Variants in SEM1 observed in about 807,000 individuals in gnomAD.
The protein encoded by SEM1 is 26S proteasome complex subunit SEM1.
In SEM1, 3 loss-of-function variants were observed where a neutral mutation model predicts 12.7. That is an observed-to-expected ratio of 0.24 (90% CI 0.11 to 0.61). The LOEUF (loss-of-function observed/expected upper bound fraction) is 0.61, where lower values mean the gene tolerates loss of function less well. Among genes scored for constraint, SEM1 ranks in the 20% least tolerant of loss-of-function variants. SEM1 has a pLI of 0.88. For missense variants in SEM1, 59 were observed against 81.3 expected (o/e 0.73, Z 1.06); for synonymous variants, 30 against 27.8 (o/e 1.08, Z -0.25).
At chr7:96,554,735 CT>C (rs1805422156) in intron 2 of SEM1, among the ~76,000 whole-genome samples, 1 of 150,384 alleles carries the variant, frequency 6.6e-6, no homozygotes, top group Non-Finnish European at 1.5e-5. Flanking sequence ...AGGATTCCCT[CT>C]TTTTCTATTG....
At chr7:96,647,137 A>C (rs754096988) in intron 2 of SEM1, among the ~76,000 whole-genome samples, 2 of 152,180 alleles carry the variant, frequency 1.3e-5, no homozygotes, top group Non-Finnish European at 2.9e-5. Context: ...ATGTTCTCTC[A>C]GTCAAGTTTA....
chr7:96,512,923 C>T (rs1213376189), intron 2 of SEM1, among the ~76,000 whole-genome samples: 1 of 152,080 alleles, frequency 6.6e-6, no homozygotes, highest in Non-Finnish European at 1.5e-5. Context: ...GCATAAACCA[C>T]GTTTTCTTAA....
chr7:96,632,959 T>TGACAATAAC (rs1359580143), intron 2 of SEM1, among the ~76,000 whole-genome samples: 2 of 152,106 alleles, frequency 1.3e-5, no homozygotes, highest in East Asian at 3.9e-4. Context: ...AAGCAAAGTT[T>TGACAATAAC]GACAATAACT....
intron 2 of SEM1, among the ~76,000 whole-genome samples, chr7:96,584,999 C>T (rs1806562380): frequency 6.6e-6 from 1 of 151,512 alleles, no homozygotes; most frequent in Admixed American, 6.6e-5. Context: ...AGCTTTGTTC[C>T]ATTGCTGGTG....
At chr7:96,668,636 G>C (rs79973922), downstream of SEM1, among the ~76,000 whole-genome samples, 3,637 of 152,166 alleles carry the variant, frequency 0.024, 68 homozygotes, top group Admixed American at 0.036. Context: ...AGCTTCCCAG[G>C]TTTGTCTTGG....
rs1193134092 is a variant in SEM1, at chr7:96,643,278, G to C, written c.171-20635C>G. On this transcript the variant is annotated intron_variant, in intron 2 of 2. Transcript: ENST00000417009. ...CCATCCATGTTCCTGCAAAGGGCAT[G>C]ATCTCATTCTTTTGTATGGCTGCAT... is the stretch of plus-strand genomic sequence containing the variant. Among the ~76,000 whole-genome samples the C allele has an allele frequency of 3.9e-5, 6 of 152,092 alleles. No homozygotes were observed. In the East Asian group the frequency reaches 1.2e-3, roughly 29 times the overall value.
At chr7:96,520,056 G>T (rs1804223626) in intron 2 of SEM1, among the ~76,000 whole-genome samples, 1 of 152,154 alleles carries the variant, frequency 6.6e-6, no homozygotes, top group Non-Finnish European at 1.5e-5. Context: ...TGGATTGCAA[G>T]AAGGGAAGCT....
chr7:96,656,568 C>T (rs1237232461), intron 2 of SEM1: 2 of 150,382 alleles, frequency 1.3e-5, no homozygotes, highest in African/African-American at 4.9e-5. Context: ...TCTTTAGTCC[C>T]CAGAGTCAGT....
chr7:96,533,268 T>G (rs759191670), intron 2 of SEM1, among the ~76,000 whole-genome samples: 1 of 152,032 alleles, frequency 6.6e-6, no homozygotes, highest in African/African-American at 2.4e-5. Context: ...GCAAAACCCA[T>G]GCTGACCTTG....
rs539964212 is a variant in SEM1 at position 96,579,554 on chromosome 7, G to A, written c.171-72856C>T. 5.8e-4 allele frequency among the ~76,000 whole-genome samples: 88 copies of A among 152,308 alleles called. 1 individual carries two copies. The highest frequency in any genetic ancestry group is 1.9e-3 in the African/African-American group (79 of 41,586). ...AAAGGAGAAGCACATTGCAGCAATA[G>A]AAGAGATGTTCAGAATCTTACAAAA... is the stretch of plus-strand genomic sequence containing the variant. On this transcript the variant is annotated intron_variant and NMD_transcript_variant, in intron 2 of 3. Transcript: ENST00000466986.
At chr7:96,680,515 G>A (rs897846622) in intron 2 of SEM1, among the ~76,000 whole-genome samples, 34 of 152,166 alleles carry the variant, frequency 2.2e-4, no homozygotes, top group Middle Eastern at 3.4e-3. Context: ...AGTTTTAAAT[G>A]TGTTGTGCAC....
At chr7:96,486,350 C>A in exon 2 of SEM1, 2 of 1,537,068 alleles carry the variant, frequency 1.3e-6, no homozygotes, top group East Asian at 2.4e-5. Flanking sequence ...TCTCCTCCCC[C>A]TTTTTATGCC....
chr7:96,672,618 T>C (rs1789347621), downstream of SEM1: 1 of 152,236 alleles, frequency 6.6e-6, no homozygotes, highest in Non-Finnish European at 1.5e-5. Context: ...CACTCTCTAG[T>C]TAAGCTAACA....
intron 2 of SEM1, among the ~76,000 whole-genome samples, chr7:96,693,856 G>A (rs117133778): frequency 0.043 from 6,478 of 150,600 alleles, 188 homozygotes; most frequent in Non-Finnish European, 0.066. Flanking sequence ...ATATGTACAC[G>A]TACGTTCATA....
intron 2 of SEM1, among the ~76,000 whole-genome samples, chr7:96,630,540 C>G (rs1808217487): frequency 6.6e-6 from 1 of 152,166 alleles, no homozygotes; most frequent in South Asian, 2.1e-4. Flanking sequence ...AGGCTCCCCT[C>G]TGGCCCAGGG....
At chr7:96,596,621 G>C (rs2116165268) in intron 2 of SEM1, among the ~76,000 whole-genome samples, 1 of 152,248 alleles carries the variant, frequency 6.6e-6, no homozygotes, top group African/African-American at 2.4e-5. Context: ...CAAGTCTATT[G>C]TGTTGACCTC....
chr7:96,578,145 A>T (rs1411052295), intron 2 of SEM1, among the ~76,000 whole-genome samples: 2 of 152,138 alleles, frequency 1.3e-5, no homozygotes, highest in Admixed American at 6.5e-5. Context: ...AAGTCTAACA[A>T]ATCTCTAATC....
In SEM1 at chr7:96,486,170, T is replaced by A. The variant is rs961262438; in HGVS notation, c.227+33A>T. ...AGAGTTAATTTTTTTTCTACCTTTT[T>A]TTTTTTTCCTCCTGTGGCTGTCATC... On this transcript the variant is annotated intron_variant, in intron 2 of 3. Transcript: ENST00000356686. The A allele has an allele frequency of 4.1e-6, 6 of 1,481,472 alleles. No homozygotes were observed. In the African/African-American group the frequency reaches 7.1e-5, roughly 18 times the overall value. 91.8% of individuals were successfully genotyped at this position (1,481,472 alleles called of 1,614,324 possible).
chr7:96,513,220 A>G (rs1803987405), intron 2 of SEM1, among the ~76,000 whole-genome samples: 1 of 152,040 alleles, frequency 6.6e-6, no homozygotes, highest in African/African-American at 2.4e-5. Context: ...GGCTGCTGGC[A>G]GTTAAGAGAG....
Sources: gnomAD v4.1 joint callset for allele counts (sites outside exome capture counted in the v4.1 genomes callset) on GRCh38, gnomAD v4.1.1 for gene constraint, MANE v1.5 for transcripts, NCBI Gene and HGNC (gene_info 2026-07-23, HGNC 2026-07-21) for gene names.